Variants in PAQR7 observed in about 807,000 individuals in gnomAD.
PAQR7 encodes membrane progestin receptor alpha.
Under a neutral mutation model 24.6 loss-of-function variants are expected in PAQR7, and 14 were observed. The observed-to-expected ratio is 0.57, with a 90% CI of 0.38 to 0.89. The LOEUF (loss-of-function observed/expected upper bound fraction) is 0.89, where lower values mean the gene tolerates loss of function less well. Among genes scored for constraint, PAQR7 ranks in the 40% least tolerant of loss-of-function variants. The probability of loss-of-function intolerance (pLI) is 0.00; values close to 1 mark genes in which losing one functional copy is unlikely to be tolerated. For missense variants in PAQR7, 351 were observed against 444.0 expected (o/e 0.79, Z 1.88); for synonymous variants, 189 against 198.8 (o/e 0.95, Z 0.42).
intron 1 of PAQR7, 52 bp from the exon 2 acceptor site, chr1:25,870,746 G>A (rs144700462): frequency 1.3e-5 from 2 of 152,366 alleles, no homozygotes; most frequent in East Asian, 3.9e-4. Flanking sequence ...GGAAAAAGCA[G>A]ACGGTATAAA....
At position 25,863,294 on chromosome 1, in the gene PAQR7, G is replaced by C; in HGVS notation, c.546C>G (p.Ala182=). ...AGCAGGAGCCAATGCAGGAAAGCCA[G>C]GCGAGAAAGGCAGCCATGGGCAGAA... The part of the protein sequence containing the change: ...AVFLPMAAFL[A]WLSCIGSCYN... The change falls in exon 3 of 3, where the codon GCC becomes GCG. Residue 182 remains alanine (A), a synonymous_variant. Transcript: ENST00000675840. The surrounding 1 kb of genome is among the most constrained non-coding windows in gnomAD (Gnocchi z 6.1). The C allele has an allele frequency of 6.2e-7, 1 of 1,614,250 alleles. No individual in the cohort carries two copies. Among genetic ancestry groups the C allele is most frequent in the Non-Finnish European group, 8.5e-7 (1 of 1,180,054 alleles).
chr1:25,862,517 G>T lies in PAQR7; in HGVS notation c.*282C>A, dbSNP rs1443846700. The T allele has an allele frequency of 1.5e-5, 6 of 393,518 alleles. No homozygotes were observed. Among genetic ancestry groups the T allele is most frequent in the Non-Finnish European group, 2.8e-5 (6 of 215,466 alleles). 24.4% of individuals were successfully genotyped at this position (393,518 alleles called of 1,614,324 possible). Reference sequence around the variant, plus strand: ...CAAGCTGACCCCCAGCCTCACCCCAGTGAGTGGCAGTGGAAGGGCAAGCTG... The same window carrying T: ...CAAGCTGACCCCCAGCCTCACCCCATTGAGTGGCAGTGGAAGGGCAAGCTG... On this transcript the variant is annotated 3_prime_UTR_variant, in exon 3 of 3. Transcript: ENST00000675840.
chr1:25,865,783 G>C (rs1347370386), intron 2 of PAQR7, among the ~76,000 whole-genome samples: 1 of 152,006 alleles, frequency 6.6e-6, no homozygotes, highest in Non-Finnish European at 1.5e-5. Flanking sequence ...CTCCAGCCTG[G>C]GCGACAGAGT....
chr1:25,864,231 GA>G (rs2048538248), intron 2 of PAQR7, among the ~76,000 whole-genome samples: 1 of 152,180 alleles, frequency 6.6e-6, no homozygotes, highest in African/African-American at 2.4e-5. Flanking sequence ...AAACACATGA[GA>G]GGGGTGAGGC....
In PAQR7 at chr1:25,862,514, CCAGT is replaced by C; in HGVS notation, c.*281_*284del. ...CACCAAGCTGACCCCCAGCCTCACC[CCAGT>C]GAGTGGCAGTGGAAGGGCAAGCTGG... On this transcript the variant is annotated 3_prime_UTR_variant, in exon 3 of 3. Transcript: ENST00000675840. The C allele has an allele frequency of 2.6e-6, 1 of 390,898 alleles. No homozygotes were observed. The highest frequency in any genetic ancestry group is 4.7e-6 in the Non-Finnish European group (1 of 213,944). The allele number at this position is 390,898 out of a possible 1,614,324, so 24.2% of individuals were successfully genotyped here.
At chr1:25,869,888 C>T (rs143423378) in intron 2 of PAQR7, among the ~76,000 whole-genome samples, 242 of 152,294 alleles carry the variant, frequency 1.6e-3, no homozygotes, top group African/African-American at 5.3e-3. Flanking sequence ...TGAGTGACAG[C>T]GCTCGCTTAT....
chr1:25,875,484 G>T lies in PAQR7; in HGVS notation c.-109+4C>A, dbSNP rs1277931050. 6.6e-6 allele frequency among the ~76,000 whole-genome samples: 1 copy of T among 151,986 alleles called. No homozygotes were observed. The highest frequency in any genetic ancestry group is 1.5e-5 in the Non-Finnish European group (1 of 67,962). ...CAGGCCTCCCCGTCTTGGCAGCCCC[G>T]TACCTGAGCCGGAGCCGAGCTGGGA... On this transcript the variant is annotated splice_donor_region_variant and intron_variant, in intron 1 of 2. Coordinates refer to ENST00000675840, the MANE Select transcript of PAQR7 (RefSeq NM_178422.6). This position sits in a 1 kb window ranked among gnomAD's most constrained non-coding sequence, Gnocchi z 5.4.
intron 1 of PAQR7, among the ~76,000 whole-genome samples, chr1:25,872,635 C>A (rs2048614994): frequency 6.6e-6 from 1 of 150,972 alleles, no homozygotes; most frequent in Admixed American, 6.7e-5. Flanking sequence ...TCTTCAGCCT[C>A]TTGAGTAGTT....
Position 25,863,921 on chromosome 1 carries a change from C to CT in PAQR7, c.-22-61dup, listed in dbSNP as rs1160325335. 10 of 1,322,954 alleles carry CT rather than the reference C, an allele frequency of 7.6e-6. No individual in the cohort carries two copies. Among genetic ancestry groups the CT allele is most frequent in the Non-Finnish European group, 9.3e-6 (9 of 972,656 alleles). The allele number at this position is 1,322,954 out of a possible 1,614,324, so 82.0% of individuals were successfully genotyped here. On this transcript the variant is annotated intron_variant, in intron 2 of 2. Transcript: ENST00000675840. The surrounding 1 kb of genome is among the most constrained non-coding windows in gnomAD (Gnocchi z 6.1). ...GTGTCCTCACCCCCACGAGCAGCAG[C>CT]TGGGGGGCTCTGATGCCCAAATCCT...
chr1:25,862,746 C>T lies in PAQR7; in HGVS notation c.*53G>A. On this transcript the variant is annotated 3_prime_UTR_variant, in exon 3 of 3. Coordinates refer to ENST00000675840, the MANE Select transcript of PAQR7 (RefSeq NM_178422.6). ...GCCTTGTTCCCACCTGGAGCCAAAC[C>T]CAGACCCCTGTCCCCCAACTATACC... is the stretch of plus-strand genomic sequence containing the variant. 1 of 1,546,276 alleles carries T rather than the reference C, an allele frequency of 6.5e-7. No homozygotes were observed. Among genetic ancestry groups the T allele is most frequent in the Non-Finnish European group, 8.8e-7 (1 of 1,136,990 alleles).
chr1:25,867,295 A>G (rs1160666748), intron 2 of PAQR7, among the ~76,000 whole-genome samples: 1 of 152,156 alleles, frequency 6.6e-6, no homozygotes, highest in Non-Finnish European at 1.5e-5. Flanking sequence ...TCGGCCTCCC[A>G]AAGTGCTGGG....
At chr1:25,872,299 C>G (rs752482213) in intron 1 of PAQR7, among the ~76,000 whole-genome samples, 27 of 152,164 alleles carry the variant, frequency 1.8e-4, no homozygotes, top group Non-Finnish European at 3.4e-4. Context: ...GTCCCCTCCC[C>G]TCTTGGCCCT....
Position 25,863,307 on chromosome 1 carries a change from GC to G in PAQR7, c.532del (p.Ala178LeufsTer156). 6.2e-7 allele frequency: 1 copy of G among 1,614,240 alleles called. No homozygotes were observed. The highest frequency in any genetic ancestry group is 8.5e-7 in the Non-Finnish European group (1 of 1,180,050). ...GCAGGAAAGCCAGGCGAGAAAGGCA[GC>G]CATGGGCAGAAAAACAGCCTGCACC... ...AQVQAVFLPMAAFLAWLSCIG... is the reference protein window; with the variant it reads ...AQVQAVFLPMXAFLAWLSCIG... On this transcript the variant is annotated frameshift_variant, in exon 3 of 3. Transcript: ENST00000675840. LOFTEE classifies it high-confidence loss of function. This position sits in a 1 kb window ranked among gnomAD's most constrained non-coding sequence, Gnocchi z 6.1.
chr1:25,868,135 A>G (rs575782035), intron 2 of PAQR7, among the ~76,000 whole-genome samples: 2 of 152,274 alleles, frequency 1.3e-5, no homozygotes, highest in Non-Finnish European at 2.9e-5. Flanking sequence ...TGTCTTCCCA[A>G]CTGAGAACCT....
chr1:25,874,095 C>G (rs1459102354), intron 1 of PAQR7, among the ~76,000 whole-genome samples: 1 of 151,948 alleles, frequency 6.6e-6, no homozygotes, highest in African/African-American at 2.4e-5. Context: ...GTTGGTCAGG[C>G]TGGTCTCAAA....
At position 25,863,561 on chromosome 1, in the gene PAQR7, C is replaced by T. The variant is rs1456498645; in HGVS notation, c.279G>A (p.Val93=). ...LVLLLRLALF[V]ETVDFWGDPH... The stretch of plus-strand genomic sequence containing the variant: ...GGTCTCCCCAGAAGTCCACGGTCTC[C>T]ACAAAGAGGGCCAGCCGCAGCAGCA... The change falls in exon 3 of 3, where the codon GTG becomes GTA. Residue 93 remains valine (V), a synonymous_variant. Coordinates refer to ENST00000675840, the MANE Select transcript of PAQR7 (RefSeq NM_178422.6). This position sits in a 1 kb window ranked among gnomAD's most constrained non-coding sequence, Gnocchi z 6.1. The T allele has an allele frequency of 5.6e-6, 9 of 1,614,036 alleles. No individual in the cohort carries two copies. The highest frequency in any genetic ancestry group is 7.6e-6 in the Non-Finnish European group (9 of 1,180,030).
chr1:25,866,638 G>C (rs2048559386), intron 2 of PAQR7, among the ~76,000 whole-genome samples: 3 of 152,216 alleles, frequency 2.0e-5, no homozygotes, highest in Admixed American at 1.3e-4. Flanking sequence ...GGAAACTGAA[G>C]TACAGAGAAG....
chr1:25,870,157 G>A (rs1457847910), intron 2 of PAQR7, among the ~76,000 whole-genome samples: 1 of 152,160 alleles, frequency 6.6e-6, no homozygotes, highest in Non-Finnish European at 1.5e-5. Flanking sequence ...GCACCATCAG[G>A]GCATCCTCTG....
At chr1:25,869,958 T>A (rs1167220709) in intron 2 of PAQR7, among the ~76,000 whole-genome samples, 1 of 152,136 alleles carries the variant, frequency 6.6e-6, no homozygotes, top group African/African-American at 2.4e-5. Context: ...CATGCTAGGA[T>A]GACAGAGACC....
Sources: gnomAD v4.1 joint callset for allele counts (sites outside exome capture counted in the v4.1 genomes callset) on GRCh38, gnomAD v4.1.1 for gene constraint, Gnocchi (gnomAD v3.1) non-coding constraint, MANE v1.5 for transcripts, NCBI Gene and HGNC (gene_info 2026-07-23, HGNC 2026-07-21) for gene names.